Variants in SLC36A1 observed in about 807,000 individuals in gnomAD.
SLC36A1 encodes the protein solute carrier family 36 member 1, also known as proton-coupled amino acid transporter 1.
In SLC36A1, 30 loss-of-function variants were observed where a neutral mutation model predicts 47.5. That is an observed-to-expected ratio of 0.63 (90% CI 0.47 to 0.86). The LOEUF (loss-of-function observed/expected upper bound fraction) is 0.86. Among genes scored for constraint, SLC36A1 ranks in the 40% least tolerant of loss-of-function variants. The pLI, the probability that SLC36A1 is intolerant of heterozygous loss-of-function variation, is 0.00. For synonymous variants in SLC36A1, 255 were observed against 249.7 expected (o/e 1.02, Z -0.20); for missense variants, 517 against 606.0 (o/e 0.85, Z 1.54).
At chr5:151,458,722 C>A in intron 1 of SLC36A1, 66 bp from the exon 2 acceptor site, 1 of 1,550,176 alleles carries the variant, frequency 6.5e-7, no homozygotes, top group Admixed American at 1.8e-5. Flanking sequence ...ACCCCAGAGG[C>A]CACCCCAAAT....
At chr5:151,493,612 G>T (rs1346257440), downstream of SLC36A1, among the ~76,000 whole-genome samples, 1 of 152,248 alleles carries the variant, frequency 6.6e-6, no homozygotes, top group Non-Finnish European at 1.5e-5. Flanking sequence ...AGAGAGGAAG[G>T]TGGGCATGTA....
chr5:151,376,579 C>T, the SLC36A1 span, among the ~76,000 whole-genome samples: 1 of 152,044 alleles, frequency 6.6e-6, no homozygotes, highest in East Asian at 1.9e-4. Context: ...TCCCTCTTAG[C>T]ACTACTTTTT....
intron 1 of SLC36A1, among the ~76,000 whole-genome samples, chr5:151,455,019 G>A (rs1754284126): frequency 6.6e-6 from 1 of 152,032 alleles, no homozygotes; most frequent in East Asian, 1.9e-4. Context: ...TCTGACCCCT[G>A]GATATACCAC....
At chr5:151,481,752 A>G (rs1758828268) in intron 10 of SLC36A1, among the ~76,000 whole-genome samples, 1 of 151,986 alleles carries the variant, frequency 6.6e-6, no homozygotes, top group African/African-American at 2.4e-5. Flanking sequence ...GTTGGAGAAG[A>G]GGGGGAGGGA....
At chr5:151,553,231 C>T in the SLC36A1 span, 1 of 1,614,256 alleles carries the variant, frequency 6.2e-7, no homozygotes, top group South Asian at 1.1e-5. Flanking sequence ...ATGACCCCCA[C>T]CATGTGGTTC....
chr5:151,376,218 T>C, the SLC36A1 span, among the ~76,000 whole-genome samples: 60 of 152,348 alleles, frequency 3.9e-4, 1 homozygote, highest in African/African-American at 1.4e-3. Flanking sequence ...TGCTGGATTT[T>C]ATAAAATTAT....
At chr5:151,511,267 A>G in the SLC36A1 span, 1 of 152,202 alleles carries the variant, frequency 6.6e-6, no homozygotes, top group East Asian at 1.9e-4. Flanking sequence ...GTTGACAGGC[A>G]TGTCACATGT....
chr5:151,388,739 T>A, the SLC36A1 span, among the ~76,000 whole-genome samples: 24 of 152,136 alleles, frequency 1.6e-4, no homozygotes, highest in African/African-American at 5.6e-4. Flanking sequence ...AGAGAGTGTG[T>A]GATGTTTATA....
At chr5:151,474,178 A>AAAAAAAAAGAGAG (rs776318482) in intron 8 of SLC36A1, among the ~76,000 whole-genome samples, 1 of 119,008 alleles carries the variant, frequency 8.4e-6, no homozygotes. Flanking sequence ...AAAAAAAAAA[A>AAAAAAAAAGAGAG]AGAAATTATC....
upstream of SLC36A1, among the ~76,000 whole-genome samples, chr5:151,436,152 C>G (rs557650306): frequency 6.6e-6 from 1 of 152,084 alleles, no homozygotes; most frequent in African/African-American, 2.4e-5. Flanking sequence ...ATGCACAGAT[C>G]TTAAGTGTAC....
chr5:151,507,379 T>C, the SLC36A1 span: 1 of 1,614,184 alleles, frequency 6.2e-7, no homozygotes, highest in Non-Finnish European at 8.5e-7. Context: ...ATGGCAGGCA[T>C]GGCTTGGGTG....
chr5:151,444,491 AT>A (rs1297947920), upstream of SLC36A1, among the ~76,000 whole-genome samples: 2 of 151,762 alleles, frequency 1.3e-5, no homozygotes, highest in Middle Eastern at 3.2e-3. Context: ...AATATTATTG[AT>A]TTTTTAATTT....
chr5:151,385,942 G>A, the SLC36A1 span, among the ~76,000 whole-genome samples: 5 of 149,422 alleles, frequency 3.3e-5, no homozygotes, highest in Non-Finnish European at 5.9e-5. Flanking sequence ...CGCGATCACA[G>A]CCCACTGCAA....
At chr5:151,363,332 G>A in the SLC36A1 span, among the ~76,000 whole-genome samples, 3 of 152,190 alleles carry the variant, frequency 2.0e-5, no homozygotes, top group African/African-American at 4.8e-5. Flanking sequence ...CTTTGTCTGA[G>A]TTTTCAAACA....
the SLC36A1 span, chr5:151,532,097 T>C: frequency 1.6e-6 from 2 of 1,260,264 alleles, no homozygotes; most frequent in Admixed American, 2.3e-5. Context: ...CTGGCTTGGG[T>C]ATATGAAGAG....
intron 8 of SLC36A1, among the ~76,000 whole-genome samples, chr5:151,474,378 G>C (rs571589463): frequency 7.2e-5 from 11 of 152,180 alleles, no homozygotes; most frequent in Admixed American, 2.0e-4. Flanking sequence ...AGGGTCTAGA[G>C]TCAGACTGAC....
chr5:151,427,448 T>C, the SLC36A1 span, among the ~76,000 whole-genome samples: 7,266 of 152,268 alleles, frequency 0.048, 552 homozygotes, highest in African/African-American at 0.17. Flanking sequence ...GCAACCACCA[T>C]GTGTCACACT....
the SLC36A1 span, among the ~76,000 whole-genome samples, chr5:151,411,872 G>A: frequency 6.9e-6 from 1 of 144,492 alleles, no homozygotes; most frequent in Non-Finnish European, 1.5e-5. Flanking sequence ...GATGATCTGG[G>A]CAAATCACTG....
At chr5:151,551,976 G>GGTGTGT in the SLC36A1 span, among the ~76,000 whole-genome samples, 2,760 of 143,610 alleles carry the variant, frequency 0.019, 22 homozygotes, top group African/African-American at 0.034. Flanking sequence ...TAACCCTAAG[G>GGTGTGT]GTGTGTGTGT....
Sources: allele counts gnomAD v4.1 joint callset (sites outside exome capture counted in the v4.1 genomes callset), GRCh38; gene constraint gnomAD v4.1.1; transcripts MANE v1.5; gene names NCBI Gene and HGNC (gene_info 2026-07-23, HGNC 2026-07-21).